C2CD3: variants seen among roughly 807,000 people sequenced by gnomAD.
C2CD3 encodes C2 domain containing 3 centriole elongation regulator.
A neutral mutation model predicts 234.0 loss-of-function variants in C2CD3; 148 were observed. The ratio of observed to expected loss-of-function variants is 0.63; its 90% CI spans 0.55 to 0.72. The LOEUF (loss-of-function observed/expected upper bound fraction) is 0.72, where lower values mean the gene tolerates loss of function less well. Among genes scored for constraint, C2CD3 ranks in the 30% least tolerant of loss-of-function variants. The pLI, the probability that C2CD3 is intolerant of heterozygous loss-of-function variation, is 0.00. For synonymous variants in C2CD3, 1,000 were observed against 1,035.4 expected, an observed-to-expected ratio of 0.97 and a Z score of 0.66; for missense variants, 2,577 against 2,811.5, an observed-to-expected ratio of 0.92 and a Z score of 1.89.
rs1855891633 is a variant in C2CD3 at position 74,154,649 on chromosome 11, C to A, written c.483+6750G>T. On this transcript the variant is annotated intron_variant, in intron 3 of 32. Coordinates refer to ENST00000334126, the MANE Select transcript of C2CD3 (RefSeq NM_001286577.2). ...GAGCTAATATATTAGGCTTTGCATG[C>A]CATATGGTCTCATTACTCAACTCTG... Among the ~76,000 whole-genome samples the A allele has an allele frequency of 2.6e-5, 4 of 152,154 alleles. No individual in the cohort carries two copies. The South Asian group carries it at 8.3e-4, about 32-fold the overall frequency.
chr11:74,085,016 T>C, intron 21 of C2CD3, 46 bp from the exon 22 acceptor site: 2 of 1,088,550 alleles, frequency 1.8e-6, no homozygotes, highest in South Asian at 2.5e-5. Flanking sequence ...GGTCTATTCA[T>C]CAAGGGGCTA....
At chr11:74,111,090 G>A (rs1237224847) in intron 11 of C2CD3, among the ~76,000 whole-genome samples, 1 of 152,170 alleles carries the variant, frequency 6.6e-6, no homozygotes, top group Non-Finnish European at 1.5e-5. Context: ...GAATCGAAAC[G>A]GTGCTAGGTT....
chr11:74,137,669 C>G lies in C2CD3; in HGVS notation c.955+1051G>C, dbSNP rs368013287. On this transcript the variant is annotated intron_variant, in intron 5 of 32. Transcript: ENST00000334126. Reference sequence around the variant, plus strand: ...GTACCATCTTGGATCACTGCAACCTCTGCCTCCTGAGTTCAAGCGATTCTC... The same window carrying G: ...GTACCATCTTGGATCACTGCAACCTGTGCCTCCTGAGTTCAAGCGATTCTC... Among the ~76,000 whole-genome samples the G allele has an allele frequency of 3.6e-4, 55 of 152,090 alleles. No homozygotes were observed. In the East Asian group the frequency reaches 9.3e-3, roughly 26 times the overall value.
At chr11:74,051,230 C>G (rs763617448) in intron 26 of C2CD3, among the ~76,000 whole-genome samples, 1 of 146,478 alleles carries the variant, frequency 6.8e-6, no homozygotes, top group Non-Finnish European at 1.5e-5. Flanking sequence ...CAGGAGTTCA[C>G]AGCTGCAGTG....
chr11:74,030,025 G>C lies in C2CD3; in HGVS notation c.6810-1627C>G, dbSNP rs1234929439. ...CCCACCTTGGCCTCCCAAAATGCTG[G>C]GATTACAGGTGTGAACCACTATGTC... On this transcript the variant is annotated intron_variant, in intron 31 of 32. Transcript: ENST00000334126. Among the ~76,000 whole-genome samples the C allele has an allele frequency of 3.3e-5, 5 of 152,002 alleles. No individual in the cohort carries two copies. In the East Asian group the frequency reaches 9.7e-4, roughly 29 times the overall value.
At chr11:74,064,837 A>C (rs1259428699) in intron 24 of C2CD3, among the ~76,000 whole-genome samples, 1 of 152,248 alleles carries the variant, frequency 6.6e-6, no homozygotes, top group Non-Finnish European at 1.5e-5. Flanking sequence ...CCTATTTAAT[A>C]AATGGTGCTG....
intron 8 of C2CD3, among the ~76,000 whole-genome samples, chr11:74,119,097 AG>A (rs1327539652): frequency 6.6e-6 from 1 of 151,746 alleles, no homozygotes; most frequent in Non-Finnish European, 1.5e-5. Context: ...TTTTGTAGAG[AG>A]GAAGTTTGGC....
chr11:74,019,803 A>G (rs578026005), intron 32 of C2CD3, among the ~76,000 whole-genome samples: 51 of 152,166 alleles, frequency 3.4e-4, no homozygotes, highest in African/African-American at 1.2e-3. Context: ...CAGCCTCCCA[A>G]GTAGCTGGGA....
chr11:74,146,879 T>G (rs1266311742), intron 3 of C2CD3, among the ~76,000 whole-genome samples: 2 of 151,422 alleles, frequency 1.3e-5, no homozygotes, highest in Non-Finnish European at 2.9e-5. Context: ...ATGGTGAAAC[T>G]CTGCCTCTGC....
chr11:74,114,209 C>G (rs1956849997), intron 10 of C2CD3, among the ~76,000 whole-genome samples, 175 bp downstream of exon 10: 1 of 151,898 alleles, frequency 6.6e-6, no homozygotes, highest in Non-Finnish European at 1.5e-5. Context: ...TTTCTTTAGT[C>G]CCATACTTAC....
intron 32 of C2CD3, among the ~76,000 whole-genome samples, chr11:74,027,994 C>T (rs1952373507): frequency 6.6e-6 from 1 of 152,192 alleles, no homozygotes; most frequent in African/African-American, 2.4e-5. Context: ...TCCCACAGCA[C>T]TCAATACACA....
intron 32 of C2CD3, among the ~76,000 whole-genome samples, 179 bp from the exon 33 acceptor site, chr11:74,013,704 A>C (rs893995475): frequency 6.6e-6 from 1 of 152,174 alleles, no homozygotes; most frequent in African/African-American, 2.4e-5. Context: ...TGGGGGGTAT[A>C]TCATTCTCCC....
intron 9 of C2CD3, among the ~76,000 whole-genome samples, chr11:74,115,227 T>C (rs4609632): frequency 5.3e-5 from 8 of 151,626 alleles, no homozygotes; most frequent in South Asian, 2.1e-4. Flanking sequence ...CATATATATA[T>C]ACATACATAT....
rs1450398296 is a variant in C2CD3 at position 74,033,340 on chromosome 11, C to T, written c.6809+11G>A. The T allele has an allele frequency of 1.3e-6, 2 of 1,533,444 alleles. No homozygotes were observed. The highest frequency in any genetic ancestry group is 1.7e-6 in the Non-Finnish European group (2 of 1,145,234). 95.0% of individuals were successfully genotyped at this position (1,533,444 alleles called of 1,614,324 possible). ...GCATCCAAACCACTTGTGGGAAATG[C>T]CAAAGGATACAGCAGGAGGCTCTGC... On this transcript the variant is annotated intron_variant, in intron 31 of 32. Transcript: ENST00000334126.
intron 32 of C2CD3, 60 bp from the exon 33 acceptor site, chr11:74,013,585 G>A (rs1298869245): frequency 1.4e-5 from 15 of 1,065,296 alleles, no homozygotes; most frequent in African/African-American, 3.3e-5. Flanking sequence ...AATGGATGAC[G>A]CTGGTTTCTC....
At chr11:74,082,123 A>T (rs826060) in intron 22 of C2CD3, among the ~76,000 whole-genome samples, 5,897 of 136,794 alleles carry the variant, frequency 0.043, 410 homozygotes, top group African/African-American at 0.15. Flanking sequence ...GGCTGTGGAT[A>T]TTTTTTTTTT....
At chr11:74,022,030 G>A (rs1002898256) in intron 32 of C2CD3, among the ~76,000 whole-genome samples, 3 of 152,112 alleles carry the variant, frequency 2.0e-5, no homozygotes, top group Non-Finnish European at 4.4e-5. Context: ...GGAGGCTGAG[G>A]CAGGAGAATT....
At chr11:74,125,578 G>C (rs1001202830) in intron 7 of C2CD3, among the ~76,000 whole-genome samples, 2 of 151,920 alleles carry the variant, frequency 1.3e-5, no homozygotes, top group Non-Finnish European at 2.9e-5. Context: ...CATTACACTT[G>C]AACCACACAT....
intron 12 of C2CD3, among the ~76,000 whole-genome samples, chr11:74,107,322 T>TCTCACACACACACA (rs948551188): frequency 0.019 from 2,797 of 146,588 alleles, 100 homozygotes; most frequent in African/African-American, 0.066. Context: ...TGAAACTGTG[T>TCTCACACACACACA]CACACACACA....
Sources: gnomAD v4.1 joint callset for allele counts (sites outside exome capture counted in the v4.1 genomes callset) on GRCh38, gnomAD v4.1.1 for gene constraint, MANE v1.5 for transcripts, NCBI Gene and HGNC (gene_info 2026-07-23, HGNC 2026-07-21) for gene names.